Variants in SPEF2 observed in about 807,000 individuals in gnomAD.
The protein encoded by SPEF2 is sperm flagella and cilia-associated protein 2.
Under a neutral mutation model 224.6 loss-of-function variants are expected in SPEF2, and 187 were observed. The ratio of observed to expected loss-of-function variants is 0.83; its 90% CI spans 0.74 to 0.94. The LOEUF is 0.94. SPEF2 is among the 40% of genes least tolerant of loss of function. The pLI is 0.00. For synonymous variants in SPEF2, 715 were observed against 707.3 expected, an observed-to-expected ratio of 1.01 and a Z score of -0.17; for missense variants, 2,170 against 2,135.6, an observed-to-expected ratio of 1.02 and a Z score of -0.32.
intron 23 of SPEF2, 87 bp downstream of exon 23, chr5:35,740,354 T>C: frequency 2.0e-6 from 3 of 1,531,436 alleles, no homozygotes; most frequent in South Asian, 1.2e-5. Context: ...TCCTTACTTT[T>C]GTGAAGTATG....
chr5:35,641,106 C>T (rs1397795295), intron 2 of SPEF2, among the ~76,000 whole-genome samples: 1 of 152,142 alleles, frequency 6.6e-6, no homozygotes, highest in Non-Finnish European at 1.5e-5. Flanking sequence ...AATGCAATCT[C>T]TTGAGAAATA....
rs1021156080 is a variant in SPEF2 at position 35,767,310 on chromosome 5, A to G, written c.3801+3608A>G. ...TGTATATATAGTGCTTTTGTTTTGT[A>G]AATTATACTTTTAGAAATTGTTTAT... On this transcript the variant is annotated intron_variant, in intron 26 of 36. Coordinates refer to ENST00000356031, the MANE Select transcript of SPEF2 (RefSeq NM_024867.4). Among the ~76,000 whole-genome samples, 7 of 151,984 alleles carry G rather than the reference A, an allele frequency of 4.6e-5. No individual in the cohort carries two copies. The East Asian group carries it at 5.8e-4, about 13-fold the overall frequency.
chr5:35,709,855 G>A, intron 19 of SPEF2: 2 of 985,316 alleles, frequency 2.0e-6, no homozygotes, highest in Non-Finnish European at 1.2e-6. Flanking sequence ...ATGAGGCTCT[G>A]GTTTCTAGTT....
chr5:35,649,250 A>G, intron 5 of SPEF2, 111 bp from the exon 6 acceptor site: 1 of 869,478 alleles, frequency 1.2e-6, no homozygotes, highest in South Asian at 2.0e-5. Context: ...TCATATCCTA[A>G]TTACCTTGAA....
Position 35,750,993 on chromosome 5 carries a change from A to ACG in SPEF2, c.3331-2631_3331-2630insCG, listed in dbSNP as rs201295324. Among the ~76,000 whole-genome samples the ACG allele has an allele frequency of 4.4e-4, 29 of 66,160 alleles. No individual in the cohort carries two copies. The East Asian group carries it at 7.7e-3, about 18-fold the overall frequency. The allele number at this position is 66,160 out of a possible 152,430, so 43.4% of individuals were successfully genotyped here. A position where few individuals can be genotyped will look rare whatever the true frequency, so the allele number is the denominator to read the frequency against. On this transcript the variant is annotated intron_variant, in intron 23 of 36. Transcript: ENST00000356031. The stretch of plus-strand genomic sequence containing the variant: ...GATAAAGAAACTGTGCTATATATAT[A>ACG]TATGTATATATATATATACGTATAT...
intron 15 of SPEF2, chr5:35,699,107 T>C (rs895930406): frequency 1.4e-4 from 22 of 152,326 alleles, no homozygotes; most frequent in African/African-American, 5.3e-4. Flanking sequence ...TGGGTGATTT[T>C]TAGTTTCGTG....
At chr5:35,721,838 T>C (rs1036219355) in intron 20 of SPEF2, among the ~76,000 whole-genome samples, 6 of 152,140 alleles carry the variant, frequency 3.9e-5, no homozygotes, top group African/African-American at 1.4e-4. Context: ...GCTCATCCCC[T>C]AACACAGTAT....
At chr5:35,619,554 G>A (rs950470475) in intron 1 of SPEF2, among the ~76,000 whole-genome samples, 2 of 151,954 alleles carry the variant, frequency 1.3e-5, no homozygotes, top group Admixed American at 1.3e-4. Flanking sequence ...GCGGGTGCCT[G>A]TAGTCCCAGC....
Position 35,776,343 on chromosome 5 carries a change from T to C in SPEF2, c.4165T>C (p.Tyr1389His), listed in dbSNP as rs1327449026. 1 of 1,612,856 alleles carries C rather than the reference T, an allele frequency of 6.2e-7. No homozygotes were observed. The highest frequency in any genetic ancestry group is 2.2e-5 in the East Asian group (1 of 44,768). ...TTTAGTAACAAAGGTGGTTGATGTA[T>C]ATAAACTCATGGAAAAATGGCTTGG... The part of the protein sequence containing the change: ...EDLVTKVVDV[Y>H]KLMEKWLGER... Residue 1389 changes from tyrosine to histidine, a missense_variant, in exon 29 of 37, where the codon TAT becomes CAT. Tyr to His is a moderately conservative substitution (Grantham distance 83). Transcript: ENST00000356031.
At chr5:35,756,706 G>A (rs1226598933) in intron 24 of SPEF2, among the ~76,000 whole-genome samples, 1 of 152,168 alleles carries the variant, frequency 6.6e-6, no homozygotes, top group Non-Finnish European at 1.5e-5. Context: ...GTAGACATTA[G>A]TCCTACAAGA....
intron 8 of SPEF2, among the ~76,000 whole-genome samples, chr5:35,664,296 GA>G (rs1750140081): frequency 6.8e-6 from 1 of 147,840 alleles, no homozygotes; most frequent in Non-Finnish European, 1.5e-5. Flanking sequence ...AAAAAAAGAG[GA>G]AAGAAGGAAG....
At chr5:35,710,817 AT>A in intron 19 of SPEF2, 1 of 985,280 alleles carries the variant, frequency 1.0e-6, no homozygotes, top group Non-Finnish European at 1.2e-6. Flanking sequence ...AATACTGTGC[AT>A]TGAAGAAATA....
chr5:35,641,331 A>T, intron 2 of SPEF2, 100 bp from the exon 3 acceptor site: 1 of 1,345,526 alleles, frequency 7.4e-7, no homozygotes, highest in South Asian at 1.4e-5. Context: ...AAGGACATGA[A>T]ATAATTCAAA....
At chr5:35,708,602 CAGACTT>C (rs1740346834) in intron 18 of SPEF2, among the ~76,000 whole-genome samples, 22 of 111,674 alleles carry the variant, frequency 2.0e-4, no homozygotes, top group East Asian at 5.7e-4. Flanking sequence ...ATCCCCACCA[CAGACTT>C]CACCACCTCT....
At chr5:35,639,397 A>T (rs114514123) in intron 2 of SPEF2, among the ~76,000 whole-genome samples, 5,922 of 152,202 alleles carry the variant, frequency 0.039, 162 homozygotes, top group Non-Finnish European at 0.052. Context: ...AACCTTTGTA[A>T]TGGTATATTT....
chr5:35,789,969 T>C (rs1374150449), intron 30 of SPEF2: 3 of 701,826 alleles, frequency 4.3e-6, no homozygotes, highest in Non-Finnish European at 7.8e-6. Context: ...TATTTATAAA[T>C]GTTTGGGTAA....
Position 35,694,186 on chromosome 5 carries a change from T to C in SPEF2, c.1900-102T>C, listed in dbSNP as rs1754942106. ...TCATTAATGTTATAGACAAAAAGTA[T>C]TGTATTTGTTCTCAAACCTTTACTT... On this transcript the variant is annotated intron_variant, in intron 12 of 36. Transcript: ENST00000356031. The C allele has an allele frequency of 1.3e-5, 11 of 823,830 alleles. No individual in the cohort carries two copies. In the South Asian group the frequency reaches 1.8e-4, roughly 13 times the overall value. 51.0% of individuals were successfully genotyped at this position (823,830 alleles called of 1,614,324 possible). A position where few individuals can be genotyped will look rare whatever the true frequency, so the allele number is the denominator to read the frequency against.
chr5:35,683,718 A>G (rs775983987), intron 10 of SPEF2, among the ~76,000 whole-genome samples: 12 of 152,330 alleles, frequency 7.9e-5, no homozygotes, highest in Non-Finnish European at 1.3e-4. Flanking sequence ...TAATTTTATG[A>G]TCTCTGTGTG....
intron 13 of SPEF2, 21 bp from the exon 14 acceptor site, chr5:35,695,714 T>G: frequency 6.2e-7 from 1 of 1,600,962 alleles, no homozygotes; most frequent in Non-Finnish European, 8.5e-7. Context: ...AATTTGTTCT[T>G]ACCACTTTTC....
Sources: gnomAD v4.1 joint callset for allele counts (sites outside exome capture counted in the v4.1 genomes callset) on GRCh38, gnomAD v4.1.1 for gene constraint, MANE v1.5 for transcripts, NCBI Gene and HGNC (gene_info 2026-07-23, HGNC 2026-07-21) for gene names.